ROBO1: variants seen among roughly 807,000 people sequenced by gnomAD.
ROBO1 encodes the protein roundabout homolog 1.
In ROBO1, 149 loss-of-function variants were observed where a neutral mutation model predicts 195.9. That is an observed-to-expected ratio of 0.76 (90% CI 0.67 to 0.87). The LOEUF (loss-of-function observed/expected upper bound fraction) is 0.87. ROBO1 is among the 40% of genes least tolerant of loss of function. The pLI is 0.00. For missense variants in ROBO1, 1,933 were observed against 2,068.3 expected (o/e 0.93, Z 1.27); for synonymous variants, 816 against 733.2 (o/e 1.11, Z -1.82).
At chr3:79,389,314 C>CT (rs2036865108) in intron 2 of ROBO1, among the ~76,000 whole-genome samples, 1 of 152,048 alleles carries the variant, frequency 6.6e-6, no homozygotes, top group Admixed American at 6.6e-5. Context: ...AGCATAGCTT[C>CT]TATAGACAAA....
At chr3:79,120,725 TA>T (rs1360253906) in intron 3 of ROBO1, among the ~76,000 whole-genome samples, 8 of 151,836 alleles carry the variant, frequency 5.3e-5, no homozygotes, top group African/African-American at 1.9e-4. Flanking sequence ...TCTAGAATGT[TA>T]AAAAAATGCA....
At chr3:79,687,168 A>G (rs1947143434) in intron 1 of ROBO1, among the ~76,000 whole-genome samples, 1 of 152,222 alleles carries the variant, frequency 6.6e-6, no homozygotes, top group Non-Finnish European at 1.5e-5. Context: ...AGCCATATGT[A>G]GAAAGCTGAA....
chr3:79,489,146 A>G (rs1939317648), intron 2 of ROBO1, among the ~76,000 whole-genome samples: 1 of 151,724 alleles, frequency 6.6e-6, no homozygotes, highest in African/African-American at 2.4e-5. Context: ...GTAAGAAGAT[A>G]AACTGATTTT....
At chr3:79,078,947 C>T (rs765293444) in intron 3 of ROBO1, among the ~76,000 whole-genome samples, 4 of 151,730 alleles carry the variant, frequency 2.6e-5, no homozygotes, top group Non-Finnish European at 4.4e-5. Flanking sequence ...ATATTGAATT[C>T]ACACTATCAT....
intron 2 of ROBO1, among the ~76,000 whole-genome samples, chr3:79,540,775 A>T (rs371778888): frequency 6.0e-4 from 92 of 152,182 alleles, no homozygotes; most frequent in African/African-American, 2.2e-3. Flanking sequence ...TTTAAATTAT[A>T]CTTTTGTGTG....
chr3:79,133,836 T>C (rs1317996403), intron 2 of ROBO1, among the ~76,000 whole-genome samples: 3 of 147,002 alleles, frequency 2.0e-5, no homozygotes, highest in African/African-American at 7.6e-5. Flanking sequence ...TGGTCTTTGA[T>C]GATGGTGATG....
intron 2 of ROBO1, among the ~76,000 whole-genome samples, chr3:79,275,996 T>C (rs2031001276): frequency 6.6e-6 from 1 of 151,924 alleles, no homozygotes. Context: ...AATGGAAAGC[T>C]ATTCCATGTT....
Position 78,748,673 on chromosome 3 carries a change from T to G in ROBO1, c.500-1773A>C, listed in dbSNP as rs932015611. ...TTCAAAACCTCAAACCAGTTTAAAT[T>G]TTTTCCTTCCTCAATTCCAACCAAC... On this transcript the variant is annotated intron_variant, in intron 4 of 30. Transcript: ENST00000464233. 3.3e-5 allele frequency among the ~76,000 whole-genome samples: 5 copies of G among 152,182 alleles called. No homozygotes were observed. In the South Asian group the frequency reaches 1.0e-3, roughly 32 times the overall value.
rs750526945 is a variant in ROBO1 at position 78,714,439 on chromosome 3, T to C, written c.1003A>G (p.Met335Val). The C allele has an allele frequency of 5.6e-6, 9 of 1,613,338 alleles. No homozygotes were observed. The highest frequency in any genetic ancestry group is 5.9e-6 in the Non-Finnish European group (7 of 1,179,614). The change falls in exon 8 of 31, where the codon ATG (methionine) becomes GTG (valine). Residue 335 changes from methionine (M) to valine (V), a missense_variant. Met to Val is a conservative substitution (Grantham distance 21). This residue lies in a region of ROBO1 where 1,737 missense variants were observed against 1,882.5 expected (regional missense o/e 0.92). Coordinates refer to ENST00000464233, the MANE Select transcript of ROBO1 (RefSeq NM_002941.4). ...MGSYTCVAENMVGKAEASATL... is the reference protein window; with the variant it reads ...MGSYTCVAENVVGKAEASATL... ...GCAGATGCTTCAGCTTTGCCCACCA[T>C]ATTTTCTGCAACACAAGTGTATGAA... is the stretch of plus-strand genomic sequence containing the variant.
chr3:79,620,125 T>C (rs9870670), intron 1 of ROBO1, among the ~76,000 whole-genome samples: 133,760 of 152,240 alleles, frequency 0.88, 58,873 homozygotes, highest in African/African-American at 0.92. Flanking sequence ...CCAAGGAATG[T>C]CAACAGCCCA....
chr3:79,385,046 C>T (rs940810726), intron 2 of ROBO1, among the ~76,000 whole-genome samples: 1 of 152,002 alleles, frequency 6.6e-6, no homozygotes, highest in African/African-American at 2.4e-5. Context: ...TTAAAGTTAG[C>T]TGAATTTAAA....
At chr3:79,706,085 G>A (rs1248691364) in intron 1 of ROBO1, among the ~76,000 whole-genome samples, 1 of 151,954 alleles carries the variant, frequency 6.6e-6, no homozygotes, top group African/African-American at 2.4e-5. Flanking sequence ...TTTCTATATA[G>A]ACAAACATGT....
At position 79,720,345 on chromosome 3, in the gene ROBO1, T is replaced by C. The variant is rs78151387; in HGVS notation, c.-51+47407A>G. On this transcript the variant is annotated intron_variant, in intron 1 of 30. Coordinates refer to ENST00000464233, the MANE Select transcript of ROBO1 (RefSeq NM_002941.4). ...TTTTCAGCACAAACTAAGCTACTAG[T>C]AGCCTTTTGCCAACATCAACTGCCA... Among the ~76,000 whole-genome samples the C allele has an allele frequency of 9.2e-5, 14 of 152,266 alleles. 1 individual carries two copies. The East Asian group carries it at 2.7e-3, about 29-fold the overall frequency.
intron 2 of ROBO1, among the ~76,000 whole-genome samples, chr3:79,185,968 C>T (rs538108157): frequency 3.3e-5 from 5 of 152,178 alleles, no homozygotes; most frequent in South Asian, 2.1e-4. Flanking sequence ...TTAAACATTA[C>T]GTGGAATGAA....
intron 2 of ROBO1, among the ~76,000 whole-genome samples, chr3:79,315,319 T>C (rs2033684035): frequency 6.6e-6 from 1 of 152,172 alleles, no homozygotes. Flanking sequence ...TTAAACTAGA[T>C]ATTCCAGACT....
At chr3:79,174,223 G>A (rs1017811219) in intron 2 of ROBO1, among the ~76,000 whole-genome samples, 6 of 152,048 alleles carry the variant, frequency 3.9e-5, no homozygotes, top group Admixed American at 3.3e-4. Flanking sequence ...TTTATAAGCT[G>A]TAACACTCAC....
intron 2 of ROBO1, among the ~76,000 whole-genome samples, chr3:79,534,014 G>A (rs527292732): frequency 6.6e-6 from 1 of 151,922 alleles, no homozygotes; most frequent in East Asian, 1.9e-4. Context: ...GCTCACGAGG[G>A]TCCTTAAATG....
intron 8 of ROBO1, among the ~76,000 whole-genome samples, chr3:78,704,690 A>G (rs917064725): frequency 1.3e-5 from 2 of 151,388 alleles, no homozygotes; most frequent in South Asian, 2.1e-4. Flanking sequence ...AAAGGAAAGA[A>G]AAGAAATTAG....
chr3:79,220,495 A>T (rs2082119439), intron 2 of ROBO1, among the ~76,000 whole-genome samples: 1 of 152,066 alleles, frequency 6.6e-6, no homozygotes, highest in Admixed American at 6.6e-5. Context: ...ATACTCAATT[A>T]TTTATCGCCT....
Sources: allele counts gnomAD v4.1 joint callset (sites outside exome capture counted in the v4.1 genomes callset), GRCh38; gene constraint gnomAD v4.1.1; regional missense constraint gnomAD v4.1.1; transcripts MANE v1.5; gene names NCBI Gene and HGNC (gene_info 2026-07-23, HGNC 2026-07-21).